Variants in DENND5B observed in about 807,000 individuals in gnomAD.
DENND5B encodes the protein DENN domain-containing protein 5B.
DENND5B carries 34 observed loss-of-function variants against 140.6 expected under a neutral mutation model. That is an observed-to-expected ratio of 0.24 (90% confidence interval 0.18 to 0.32). The LOEUF (loss-of-function observed/expected upper bound fraction) is 0.32. Ranked by LOEUF, DENND5B falls within the 10% of genes least tolerant of loss-of-function variation. The probability of loss-of-function intolerance (pLI) is 1.00; values close to 1 mark genes in which losing one functional copy is unlikely to be tolerated. For missense variants in DENND5B, 1,142 were observed against 1,560.2 expected (o/e 0.73, Z 4.52); for synonymous variants, 551 against 562.1 (o/e 0.98, Z 0.28).
chr12:31,440,196 A>T (rs2137948361), intron 7 of DENND5B, among the ~76,000 whole-genome samples: 1 of 152,202 alleles, frequency 6.6e-6, no homozygotes, highest in East Asian at 1.9e-4. Context: ...TTTTTTTAAA[A>T]TAAAGATGAG....
At chr12:31,562,567 T>A (rs141498160) in intron 1 of DENND5B, among the ~76,000 whole-genome samples, 253 of 151,860 alleles carry the variant, frequency 1.7e-3, no homozygotes, top group Non-Finnish European at 2.9e-3. Context: ...TGAGCCGAGA[T>A]CGCACCATTG....
At chr12:31,509,278 A>G (rs1467701777) in intron 1 of DENND5B, among the ~76,000 whole-genome samples, 2 of 152,140 alleles carry the variant, frequency 1.3e-5, no homozygotes, top group East Asian at 3.8e-4. Context: ...ACAGTGCCAC[A>G]ATTCATGTAG....
At chr12:31,590,626 T>C (rs2139563957) in intron 1 of DENND5B, 80 bp downstream of exon 1, 1 of 1,362,800 alleles carries the variant, frequency 7.3e-7, no homozygotes, top group Non-Finnish European at 9.4e-7. Flanking sequence ...GTCTGGAGCC[T>C]GCACCCCGCC....
chr12:31,535,032 C>T (rs1214084397), intron 1 of DENND5B: 3 of 215,700 alleles, frequency 1.4e-5, no homozygotes, highest in Non-Finnish European at 2.4e-5. Context: ...GCAGATTGCA[C>T]CACTGCACCC....
In DENND5B at chr12:31,460,789, G is replaced by A. The variant is rs188845053; in HGVS notation, c.905-408C>T. ...TGCCCAAGCTGGAGTGCAATGGTGC[G>A]ATCTTGGCACACTGCAACCTCCACA... On this transcript the variant is annotated intron_variant, in intron 3 of 20. Coordinates refer to ENST00000389082, the MANE Select transcript of DENND5B (RefSeq NM_144973.4). Among the ~76,000 whole-genome samples the A allele has an allele frequency of 1.9e-4, 29 of 152,240 alleles. No homozygotes were observed. The East Asian group carries it at 5.4e-3, about 28-fold the overall frequency.
chr12:31,424,491 G>T, intron 10 of DENND5B, 44 bp downstream of exon 10: 2 of 1,538,626 alleles, frequency 1.3e-6, no homozygotes, highest in South Asian at 1.3e-5. Flanking sequence ...TTCTTAACAG[G>T]GCTCTTAACT....
At chr12:31,579,812 GAA>G (rs1950157650) in intron 1 of DENND5B, among the ~76,000 whole-genome samples, 1 of 149,324 alleles carries the variant, frequency 6.7e-6, no homozygotes, top group Non-Finnish European at 1.5e-5. Flanking sequence ...AGAGAAGAGA[GAA>G]GAGAGAAGAG....
chr12:31,464,758 G>T (rs1321568717), intron 3 of DENND5B, among the ~76,000 whole-genome samples: 1 of 151,802 alleles, frequency 6.6e-6, no homozygotes, highest in South Asian at 2.1e-4. Flanking sequence ...AAGGGGTTTC[G>T]CCATGTTGGC....
intron 7 of DENND5B, among the ~76,000 whole-genome samples, chr12:31,441,099 T>C (rs1255915381): frequency 2.0e-5 from 3 of 151,726 alleles, no homozygotes; most frequent in Non-Finnish European, 4.4e-5. Context: ...TCCCAGCACT[T>C]TGGGAGGCCA....
intron 9 of DENND5B, 35 bp downstream of exon 9, chr12:31,426,255 TGAA>T: frequency 6.3e-7 from 1 of 1,580,900 alleles, no homozygotes; most frequent in Middle Eastern, 1.7e-4. Flanking sequence ...GGTGTAAACA[TGAA>T]TGCACACTGT....
At chr12:31,398,772 T>A (rs531825597) in intron 16 of DENND5B, among the ~76,000 whole-genome samples, 1 of 152,208 alleles carries the variant, frequency 6.6e-6, no homozygotes, top group Admixed American at 6.5e-5. Flanking sequence ...GAGAGTTATA[T>A]TAATCTTTCC....
intron 2 of DENND5B, among the ~76,000 whole-genome samples, chr12:31,491,962 A>G (rs938741215): frequency 3.3e-5 from 5 of 152,330 alleles, no homozygotes; most frequent in South Asian, 2.1e-4. Flanking sequence ...ACAAAGCTTT[A>G]TATCTTTAGG....
chr12:31,501,984 A>G (rs1409102835), intron 1 of DENND5B, among the ~76,000 whole-genome samples: 1 of 152,032 alleles, frequency 6.6e-6, no homozygotes, highest in Non-Finnish European at 1.5e-5. Context: ...TATTTTAGAA[A>G]TTACATTCCA....
At position 31,387,376 on chromosome 12, in the gene DENND5B, C is replaced by A; in HGVS notation, c.*227G>T. ...TAATATAATTTCTTAAAGAAGATAG[C>A]ATATTTACACACATCTAACACATGA... On this transcript the variant is annotated 3_prime_UTR_variant, in exon 21 of 21. Transcript: ENST00000389082. 2.5e-6 allele frequency: 1 copy of A among 397,664 alleles called. No homozygotes were observed. The highest frequency in any genetic ancestry group is 4.5e-6 in the Non-Finnish European group (1 of 224,034). The allele number at this position is 397,664 out of a possible 1,614,324, so 24.6% of individuals were successfully genotyped here. A position where few individuals can be genotyped will look rare whatever the true frequency, so the allele number is the denominator to read the frequency against.
At chr12:31,551,104 T>G (rs1275485771) in intron 1 of DENND5B, among the ~76,000 whole-genome samples, 1 of 152,104 alleles carries the variant, frequency 6.6e-6, no homozygotes. Context: ...TTGTTGCCAT[T>G]GCTTTTGGTG....
chr12:31,480,249 T>G lies in DENND5B; in HGVS notation c.244A>C (p.Met82Leu). ...FDQDAVNMLC[M>L]PKGLSFRTQT... The stretch of plus-strand genomic sequence containing the variant: ...GTCCTGAAAGATAGCCCTTTAGGCA[T>G]GCACAACTGTGAAAGAAAGAAAAAA... Residue 82 changes from methionine (M) to leucine (L), a missense_variant, in exon 3 of 21, where the codon ATG (methionine) becomes CTG (leucine). Physicochemically the swap from Met to Leu is conservative, Grantham distance 15. Transcript: ENST00000389082. 5 of 1,524,412 alleles carry G rather than the reference T, an allele frequency of 3.3e-6. No homozygotes were observed. The highest frequency in any genetic ancestry group is 4.4e-6 in the Non-Finnish European group (5 of 1,139,996). 94.4% of individuals were successfully genotyped at this position (1,524,412 alleles called of 1,614,324 possible).
intron 1 of DENND5B, among the ~76,000 whole-genome samples, chr12:31,528,034 C>A (rs985861297): frequency 1.3e-5 from 2 of 152,172 alleles, no homozygotes; most frequent in Non-Finnish European, 2.9e-5. Flanking sequence ...ACATAATGAA[C>A]AACCTTGACT....
intron 7 of DENND5B, among the ~76,000 whole-genome samples, chr12:31,434,607 C>T (rs999901387): frequency 1.3e-5 from 2 of 152,166 alleles, no homozygotes; most frequent in Non-Finnish European, 2.9e-5. Flanking sequence ...CTACAGGCTC[C>T]AGCTTAGTGT....
intron 1 of DENND5B, among the ~76,000 whole-genome samples, chr12:31,539,870 C>A (rs1948629965): frequency 6.6e-6 from 1 of 151,730 alleles, no homozygotes. Flanking sequence ...ACTAGAAGTC[C>A]TAGCTAGAGC....
Sources: gnomAD v4.1 joint callset for allele counts (sites outside exome capture counted in the v4.1 genomes callset) on GRCh38, gnomAD v4.1.1 for gene constraint, MANE v1.5 for transcripts, NCBI Gene and HGNC (gene_info 2026-07-23, HGNC 2026-07-21) for gene names.